DDX19B: variants seen among roughly 807,000 people sequenced by gnomAD.
The protein encoded by DDX19B is DEAD-box helicase 19B.
A neutral mutation model predicts 58.1 loss-of-function variants in DDX19B; 27 were observed. That is an observed-to-expected ratio of 0.46 (90% confidence interval 0.34 to 0.64). The LOEUF is 0.64. Ranked by LOEUF, DDX19B falls within the 30% of genes least tolerant of loss-of-function variation. DDX19B has a pLI of 0.01. For missense variants in DDX19B, 399 were observed against 596.5 expected (o/e 0.67, Z 3.45); for synonymous variants, 187 against 214.4 (o/e 0.87, Z 1.12).
At chr16:70,299,896 G>T (rs1961393355) in intron 1 of DDX19B, among the ~76,000 whole-genome samples, 1 of 152,120 alleles carries the variant, frequency 6.6e-6, no homozygotes, top group African/African-American at 2.4e-5. Flanking sequence ...CCCAGTAGGT[G>T]TGGCAGTCAG....
In DDX19B at chr16:70,299,247, G is replaced by A; in HGVS notation, c.-51G>A. On this transcript the variant is annotated 5_prime_UTR_variant, in exon 1 of 12. In the 5' UTR this introduces an upstream ATG that the reference lacks. Transcript: ENST00000288071. ...GAACCCCCGGAGCCCACGATCCCTCGTGCCATCCCTCGAATCCACCAGCAC... is the reference window on the plus strand; with the variant it reads ...GAACCCCCGGAGCCCACGATCCCTCATGCCATCCCTCGAATCCACCAGCAC... The A allele has an allele frequency of 6.6e-7, 1 of 1,508,804 alleles. No individual in the cohort carries two copies. The highest frequency in any genetic ancestry group is 8.9e-7 in the Non-Finnish European group (1 of 1,127,492). The allele number at this position is 1,508,804 out of a possible 1,614,324, so 93.5% of individuals were successfully genotyped here. A position where few individuals can be genotyped will look rare whatever the true frequency, so the allele number is the denominator to read the frequency against.
intron 2 of DDX19B, among the ~76,000 whole-genome samples, chr16:70,313,222 G>C (rs1962180035): frequency 6.6e-6 from 1 of 152,152 alleles, no homozygotes; most frequent in African/African-American, 2.4e-5. Flanking sequence ...GTTTCACTGT[G>C]TTAGCCAGGA....
upstream of DDX19B, chr16:70,294,852 G>A (rs1271154412): frequency 6.6e-7 from 1 of 1,520,246 alleles, no homozygotes. Flanking sequence ...CGCGATGGCT[G>A]GGGCTGCCGG....
rs753365055 is a variant in DDX19B, at chr16:70,332,956, T to C, written c.1187-12T>C. The C allele has an allele frequency of 6.2e-6, 10 of 1,613,770 alleles. No homozygotes were observed. Among genetic ancestry groups the C allele is most frequent in the Non-Finnish European group, 8.5e-6 (10 of 1,179,980 alleles). ...CCTTAGTCCTCTCAGCCTCCAACTCTCCTTCCTGCAGGCATTGATGTTGAA... is the reference window on the plus strand; with the variant it reads ...CCTTAGTCCTCTCAGCCTCCAACTCCCCTTCCTGCAGGCATTGATGTTGAA... On this transcript the variant is annotated splice_polypyrimidine_tract_variant and intron_variant, in intron 10 of 11. Coordinates refer to ENST00000288071, the MANE Select transcript of DDX19B (RefSeq NM_007242.7).
At chr16:70,325,792 G>A in intron 7 of DDX19B, 104 bp downstream of exon 7, 1 of 857,842 alleles carries the variant, frequency 1.2e-6, no homozygotes, top group Non-Finnish European at 1.9e-6. Context: ...ACACATGTAT[G>A]TTCTCCAGCT....
intron 2 of DDX19B, among the ~76,000 whole-genome samples, chr16:70,313,325 T>C (rs1204303266): frequency 6.6e-6 from 1 of 151,878 alleles, no homozygotes; most frequent in Non-Finnish European, 1.5e-5. Flanking sequence ...GGTATTTTTG[T>C]TTTTTTATAG....
At chr16:70,322,588 CAA>C (rs568610716) in intron 5 of DDX19B, among the ~76,000 whole-genome samples, 1 of 47,508 alleles carries the variant, frequency 2.1e-5, no homozygotes, top group African/African-American at 9.0e-5. Flanking sequence ...GACCTTGTCT[CAA>C]AAAAAAAAAA....
At chr16:70,302,343 C>G (rs879436547) in intron 1 of DDX19B, among the ~76,000 whole-genome samples, 5 of 152,216 alleles carry the variant, frequency 3.3e-5, no homozygotes, top group Admixed American at 2.6e-4. Context: ...TAACTACCAC[C>G]ACAGGCAACA....
At chr16:70,321,568 G>A (rs554547372) in intron 5 of DDX19B, among the ~76,000 whole-genome samples, 30 of 152,254 alleles carry the variant, frequency 2.0e-4, no homozygotes, top group Admixed American at 1.1e-3. Context: ...AGTCAACAAC[G>A]CAGACCAAAA....
chr16:70,332,763 C>G (rs757757127), intron 10 of DDX19B, among the ~76,000 whole-genome samples: 1 of 152,164 alleles, frequency 6.6e-6, no homozygotes, highest in Non-Finnish European at 1.5e-5. Flanking sequence ...AGTTTGGTAT[C>G]TATGCCTGTA....
intron 10 of DDX19B, 133 bp from the exon 11 acceptor site, chr16:70,332,835 C>T (rs1159176862): frequency 1.3e-6 from 2 of 1,528,300 alleles, no homozygotes; most frequent in African/African-American, 1.4e-5. Flanking sequence ...TGGCTTCCTG[C>T]ACTCAATGTC....
upstream of DDX19B, among the ~76,000 whole-genome samples, chr16:70,290,877 T>C (rs1266644932): frequency 1.3e-5 from 2 of 152,190 alleles, no homozygotes; most frequent in Non-Finnish European, 2.9e-5. Context: ...CTGTGTCTAT[T>C]TAACTCCAAA....
At chr16:70,290,722 G>C (rs1744547115), upstream of DDX19B, among the ~76,000 whole-genome samples, 3 of 152,170 alleles carry the variant, frequency 2.0e-5, no homozygotes, top group South Asian at 6.2e-4. Context: ...TTATACGTGA[G>C]GCATTGCATC....
At chr16:70,327,793 A>T (rs1963251617) in intron 7 of DDX19B, among the ~76,000 whole-genome samples, 1 of 152,096 alleles carries the variant, frequency 6.6e-6, no homozygotes, top group African/African-American at 2.4e-5. Context: ...TCTGTTAATT[A>T]TTTTTTGTTA....
chr16:70,312,034 G>C (rs79398197), intron 1 of DDX19B, among the ~76,000 whole-genome samples: 3 of 152,026 alleles, frequency 2.0e-5, no homozygotes, highest in African/African-American at 7.3e-5. Context: ...TAGAGACGGG[G>C]TTTCACCATG....
At position 70,333,882 on chromosome 16, in the gene DDX19B, G is replaced by T; in HGVS notation, c.*300G>T. ...CCTTCATGCTAATCTAGATGCTGTG[G>T]CTGATTACTTGCCCAGGATCTCCTG... On this transcript the variant is annotated 3_prime_UTR_variant, in exon 12 of 12. Coordinates refer to ENST00000288071, the MANE Select transcript of DDX19B (RefSeq NM_007242.7). 4.3e-6 allele frequency: 2 copies of T among 470,106 alleles called. No individual in the cohort carries two copies. Among genetic ancestry groups the T allele is most frequent in the Non-Finnish European group, 7.7e-6 (2 of 261,004 alleles). The allele number at this position is 470,106 out of a possible 1,614,324, so 29.1% of individuals were successfully genotyped here.
intron 2 of DDX19B, 39 bp downstream of exon 2, chr16:70,312,696 T>A: frequency 6.4e-7 from 1 of 1,566,438 alleles, no homozygotes; most frequent in Non-Finnish European, 8.7e-7. Context: ...AAATGTGATT[T>A]CCTTCAGTAT....
intron 5 of DDX19B, among the ~76,000 whole-genome samples, chr16:70,321,242 G>A (rs1213765010): frequency 6.6e-6 from 1 of 152,114 alleles, no homozygotes; most frequent in African/African-American, 2.4e-5. Flanking sequence ...GATCACAGGC[G>A]TGAGCCACTG....
rs189455055 is a variant in DDX19B at position 70,329,720 on chromosome 16, C to T, written c.786-111C>T. ...CCTGCTGCTCCTCCTCCCCAAGACG[C>T]TCCTCTCCCATCAGCCTTCCTGGGC... On this transcript the variant is annotated intron_variant, in intron 8 of 11. Transcript: ENST00000288071. 225 of 1,457,808 alleles carry T rather than the reference C, an allele frequency of 1.5e-4. 2 individuals are homozygous for T. The highest frequency in any genetic ancestry group is 1.5e-3 in the South Asian group (116 of 79,344). The allele number at this position is 1,457,808 out of a possible 1,614,324, so 90.3% of individuals were successfully genotyped here.
Sources: allele counts gnomAD v4.1 joint callset (sites outside exome capture counted in the v4.1 genomes callset), GRCh38; gene constraint gnomAD v4.1.1; transcripts MANE v1.5; gene names NCBI Gene and HGNC (gene_info 2026-07-23, HGNC 2026-07-21).